Variants in ZNF430 observed in about 807,000 individuals in gnomAD.
ZNF430 encodes zinc finger protein 430.
ZNF430 carries 35 observed loss-of-function variants against 56.7 expected under a neutral mutation model. That is an observed-to-expected ratio of 0.62 (90% confidence interval 0.47 to 0.82). The LOEUF is 0.82. Among genes scored for constraint, ZNF430 ranks in the 40% least tolerant of loss-of-function variants. The pLI, the probability that ZNF430 is intolerant of heterozygous loss-of-function variation, is 0.00. For synonymous variants in ZNF430, 212 were observed against 224.3 expected, an observed-to-expected ratio of 0.94 and a Z score of 0.49; for missense variants, 574 against 661.0, an observed-to-expected ratio of 0.87 and a Z score of 1.44.
intron 4 of ZNF430, among the ~76,000 whole-genome samples, chr19:21,052,436 A>G (rs1568592286): frequency 6.6e-6 from 1 of 151,894 alleles, no homozygotes; most frequent in South Asian, 2.1e-4. Flanking sequence ...CCATAATTAT[A>G]TTACTGTCTA....
At chr19:21,022,726 G>A in intron 1 of ZNF430, 63 bp from the exon 2 acceptor site, 5 of 1,195,620 alleles carry the variant, frequency 4.2e-6, no homozygotes, top group South Asian at 3.6e-5. Flanking sequence ...CAAGATATCC[G>A]CCATGGTTAT....
chr19:21,051,681 A>G (rs1968286481), intron 4 of ZNF430, among the ~76,000 whole-genome samples: 1 of 152,054 alleles, frequency 6.6e-6, no homozygotes, highest in Non-Finnish European at 1.5e-5. Context: ...TTTAGTAGAG[A>G]TGGGGTTTTA....
intron 2 of ZNF430, among the ~76,000 whole-genome samples, chr19:21,029,774 GACTA>G (rs1162702596): frequency 2.0e-5 from 3 of 152,154 alleles, no homozygotes; most frequent in Non-Finnish European, 4.4e-5. Flanking sequence ...AGACCAGCCT[GACTA>G]ACATGGTGAA....
At chr19:21,030,079 G>A (rs754227703) in intron 2 of ZNF430, among the ~76,000 whole-genome samples, 1 of 145,632 alleles carries the variant, frequency 6.9e-6, no homozygotes. Context: ...ATTTATTTTA[G>A]GATCTTATTT....
chr19:21,057,969 C>A lies in ZNF430; in HGVS notation c.1661C>A (p.Ser554Ter), dbSNP rs375337699. ...TACGGCAAAGCTTTCAACCAGTCCT[C>A]AAACCTTATTGAACAAAGTAATTCA... Reference protein sequence around the residue: ...EEYGKAFNQSSNLIEQSNSYW... With the variant: ...EEYGKAFNQS Residue 554 changes from serine to a stop codon, truncating the protein, a stop_gained, in exon 5 of 5, where the codon TCA becomes TAA. Coordinates refer to ENST00000261560, the MANE Select transcript of ZNF430 (RefSeq NM_025189.4). LOFTEE classifies it high-confidence loss of function. 2.2e-5 allele frequency: 35 copies of A among 1,610,352 alleles called. 1 individual carries two copies. The Admixed American group carries it at 4.7e-4, about 22-fold the overall frequency.
chr19:21,037,798 A>G (rs943847352), intron 4 of ZNF430, among the ~76,000 whole-genome samples: 4 of 152,026 alleles, frequency 2.6e-5, no homozygotes, highest in Non-Finnish European at 5.9e-5. Context: ...TTCATTTTTC[A>G]TTGTTATTTT....
chr19:21,057,920 G>A lies in ZNF430; in HGVS notation c.1612G>A (p.Glu538Lys), dbSNP rs1599512134. 3 of 1,613,548 alleles carry A rather than the reference G, an allele frequency of 1.9e-6. No homozygotes were observed. Among genetic ancestry groups the A allele is most frequent in the African/African-American group, 2.7e-5 (2 of 74,848 alleles). The change falls in exon 5 of 5, where the codon GAG becomes AAG. Residue 538 changes from glutamate to lysine, a missense_variant. Around this residue, in one of 3 missense-constraint regions of ZNF430, gnomAD observed 213 missense variants for 221.0 expected, o/e 0.96. Transcript: ENST00000261560. ...TAAACATAAGGTAATTCATACTGGA[G>A]AGAAACCCTACAACTGTGAAGAATA... ...LTKHKVIHTG[E>K]KPYNCEEYGK...
At chr19:21,045,658 G>A (rs2144778137) in intron 4 of ZNF430, among the ~76,000 whole-genome samples, 1 of 152,268 alleles carries the variant, frequency 6.6e-6, no homozygotes, top group African/African-American at 2.4e-5. Context: ...GTCTAATATT[G>A]GCAGTAGGGT....
chr19:21,035,813 A>G (rs1967988624), intron 4 of ZNF430: 1 of 155,810 alleles, frequency 6.4e-6, no homozygotes, highest in Admixed American at 6.5e-5. Context: ...GGTAATTCCC[A>G]TTTTATTTTT....
intron 4 of ZNF430, among the ~76,000 whole-genome samples, chr19:21,036,954 G>T (rs1047393946): frequency 2.5e-4 from 38 of 151,966 alleles, no homozygotes; most frequent in African/African-American, 7.5e-4. Flanking sequence ...CCTCTTTCCA[G>T]CCCTTGACAA....
intron 2 of ZNF430, among the ~76,000 whole-genome samples, chr19:21,024,672 C>T (rs549808601): frequency 2.0e-5 from 3 of 151,720 alleles, no homozygotes; most frequent in East Asian, 1.9e-4. Context: ...CCCAGCTACT[C>T]GGGAGGCTGA....
chr19:21,027,288 G>A (rs566024251), intron 2 of ZNF430, among the ~76,000 whole-genome samples: 9 of 152,248 alleles, frequency 5.9e-5, no homozygotes, highest in African/African-American at 1.7e-4. Context: ...TAAGTTTGTC[G>A]TTGATGTCTC....
intron 4 of ZNF430, among the ~76,000 whole-genome samples, chr19:21,053,714 A>G (rs1968321961): frequency 6.6e-6 from 1 of 152,118 alleles, no homozygotes; most frequent in Admixed American, 6.6e-5. Context: ...TTAATAAATC[A>G]CTTTATTGAA....
Position 21,020,747 on chromosome 19 carries a change from G to A in ZNF430, c.-54G>A, listed in dbSNP as rs1974281346. 1.9e-6 allele frequency: 3 copies of A among 1,611,056 alleles called. No homozygotes were observed. The highest frequency in any genetic ancestry group is 2.5e-6 in the Non-Finnish European group (3 of 1,177,860). ...TCCAGGCTCTGTGGCCCTGTGACCC[G>A]CAGGTATTGGGAGATCTACAGCTAA... On this transcript the variant is annotated 5_prime_UTR_variant, in exon 1 of 5. Transcript: ENST00000261560.
chr19:21,039,732 C>G (rs935296891), intron 4 of ZNF430, among the ~76,000 whole-genome samples: 1 of 152,142 alleles, frequency 6.6e-6, no homozygotes, highest in African/African-American at 2.4e-5. Flanking sequence ...TCCCAAAGTG[C>G]TGGCATTACA....
chr19:21,057,807 T>G lies in ZNF430; in HGVS notation c.1499T>G (p.Leu500Arg), dbSNP rs1293388490. 1.9e-6 allele frequency: 3 copies of G among 1,613,922 alleles called. No homozygotes were observed. Among genetic ancestry groups the G allele is most frequent in the Non-Finnish European group, 2.5e-6 (3 of 1,180,006 alleles). The change falls in exon 5 of 5, where the codon CTT (leucine) becomes CGT (arginine). Residue 500 changes from leucine (L) to arginine (R), a missense_variant. Physicochemically the swap from Leu to Arg is moderately radical, Grantham distance 102. This residue lies in a region of ZNF430 where 213 missense variants were observed against 221.0 expected (regional missense o/e 0.96). Transcript: ENST00000261560. ...AAAGCTTTTAACCAATTCTCAAACC[T>G]TACTAAACATAAGATAACTCATATT... ...CGKAFNQFSN[L>R]TKHKITHIGD...
intron 4 of ZNF430, among the ~76,000 whole-genome samples, chr19:21,048,591 C>T (rs1380798506): frequency 6.6e-6 from 1 of 152,166 alleles, no homozygotes; most frequent in Non-Finnish European, 1.5e-5. Context: ...TCTTTCTACA[C>T]AGACACAGCA....
In ZNF430 at chr19:21,020,721, G is replaced by T. The variant is rs550143556; in HGVS notation, c.-80G>T. 6.3e-7 allele frequency: 1 copy of T among 1,586,272 alleles called. No homozygotes were observed. ...CGCTCTGTGTCCTCTGCTCCTAGAG[G>T]TCCAGGCTCTGTGGCCCTGTGACCC... On this transcript the variant is annotated 5_prime_UTR_variant, in exon 1 of 5. Transcript: ENST00000261560.
chr19:21,022,693 T>C, intron 1 of ZNF430, 96 bp from the exon 2 acceptor site: 1 of 910,602 alleles, frequency 1.1e-6, no homozygotes, highest in Non-Finnish European at 1.8e-6. Context: ...GGTCCTGGGT[T>C]TCAGTATTGT....
Sources: gnomAD v4.1 joint callset for allele counts (sites outside exome capture counted in the v4.1 genomes callset) on GRCh38, gnomAD v4.1.1 for gene constraint, gnomAD v4.1.1 regional missense constraint, MANE v1.5 for transcripts, NCBI Gene and HGNC (gene_info 2026-07-23, HGNC 2026-07-21) for gene names.